PLD1: variants seen among roughly 807,000 people sequenced by gnomAD.
The protein encoded by PLD1 is phospholipase D1, also known as choline phosphatase 1.
In PLD1, 112 loss-of-function variants were observed where a neutral mutation model predicts 137.1. The observed-to-expected ratio is 0.82, with a 90% confidence interval of 0.70 to 0.96. PLD1 has a LOEUF of 0.96. Ranked by LOEUF, PLD1 falls within the 40% of genes least tolerant of loss-of-function variation. The pLI is 0.00. For missense variants in PLD1, 1,321 were observed against 1,342.0 expected, an observed-to-expected ratio of 0.98 and a Z score of 0.24; for synonymous variants, 431 against 454.7, an observed-to-expected ratio of 0.95 and a Z score of 0.66.
chr3:171,759,666 G>A (rs1396990386), intron 1 of PLD1, among the ~76,000 whole-genome samples: 5 of 152,188 alleles, frequency 3.3e-5, no homozygotes, highest in Admixed American at 1.3e-4. Flanking sequence ...TATTTTACAC[G>A]TTTGTGTATG....
intron 23 of PLD1, among the ~76,000 whole-genome samples, chr3:171,628,124 AAAG>A (rs1351047487): frequency 4.6e-5 from 7 of 152,146 alleles, no homozygotes; most frequent in Non-Finnish European, 1.0e-4. Context: ...CAAGACTAAT[AAAG>A]AAGAAAAGAG....
chr3:171,689,141 C>T (rs1408935666), intron 13 of PLD1, among the ~76,000 whole-genome samples: 1 of 151,834 alleles, frequency 6.6e-6, no homozygotes, highest in Non-Finnish European at 1.5e-5. Context: ...TCTGGCAATA[C>T]ATTAGAAAAC....
intron 1 of PLD1, among the ~76,000 whole-genome samples, chr3:171,786,483 G>A (rs4894509): frequency 0.65 from 99,573 of 152,074 alleles, 33,318 homozygotes; most frequent in Admixed American, 0.73. Context: ...TGCAGCAATC[G>A]AGCTGTCTAA....
intron 25 of PLD1, among the ~76,000 whole-genome samples, chr3:171,608,801 CA>C: frequency 6.6e-6 from 1 of 152,046 alleles, no homozygotes; most frequent in African/African-American, 2.4e-5. Flanking sequence ...AAACAAGCAC[CA>C]GGAGAAGACA....
Position 171,612,264 on chromosome 3 carries a change from C to G in PLD1, c.2882+15G>C, listed in dbSNP as rs1214952139. 6.2e-7 allele frequency: 1 copy of G among 1,612,738 alleles called. No homozygotes were observed. The highest frequency in any genetic ancestry group is 8.5e-7 in the Non-Finnish European group (1 of 1,179,018). On this transcript the variant is annotated intron_variant, in intron 25 of 26. Coordinates refer to ENST00000351298, the MANE Select transcript of PLD1 (RefSeq NM_002662.5). This position sits in a 1 kb window ranked among gnomAD's most constrained non-coding sequence, Gnocchi z 4.1. ...AGTGGAAATGCATCAGAGAGACACA[C>G]TTTGGCGGACTGACCTAAAGCACTG...
intron 1 of PLD1, among the ~76,000 whole-genome samples, chr3:171,808,539 A>T (rs890464253): frequency 5.9e-5 from 9 of 151,994 alleles, no homozygotes; most frequent in East Asian, 1.9e-4. Flanking sequence ...CCGTCTCAAA[A>T]AATAATAATA....
chr3:171,772,645 C>T (rs577634542), intron 1 of PLD1, among the ~76,000 whole-genome samples: 54 of 152,276 alleles, frequency 3.5e-4, no homozygotes, highest in African/African-American at 1.2e-3. Flanking sequence ...TAGTACCCCA[C>T]CTGCTGGCAA....
At chr3:171,604,331 AAAG>A (rs1158477383) in intron 26 of PLD1, among the ~76,000 whole-genome samples, 8 of 151,814 alleles carry the variant, frequency 5.3e-5, no homozygotes, top group Non-Finnish European at 1.2e-4. Context: ...AAAAAAAAAA[AAAG>A]GAAAGAAAGA....
At chr3:171,707,586 G>A (rs1256425454) in intron 11 of PLD1, among the ~76,000 whole-genome samples, 2 of 152,104 alleles carry the variant, frequency 1.3e-5, no homozygotes, top group Non-Finnish European at 2.9e-5. Context: ...ACAAGCATGA[G>A]CATGCTGGCC....
rs139270908 is a variant in PLD1 at position 171,662,063 on chromosome 3, G to A, written c.2337C>T (p.Ile779=). 7 of 1,565,124 alleles carry A rather than the reference G, an allele frequency of 4.5e-6. No homozygotes were observed. Among genetic ancestry groups the A allele is most frequent in the African/African-American group, 4.1e-5 (3 of 73,854 alleles). ...AATTTACATGAGCAAGACTTACTTC[G>A]ATATAGATATAGTGCCTGCTGTTCT... ...VIENSRHYIY[I]ENQFFISCAD... is the part of the protein sequence containing the mutation. Residue 779 remains isoleucine (I), a synonymous_variant, in exon 20 of 27, where the codon ATC becomes ATT. Transcript: ENST00000351298.
chr3:171,692,394 C>T lies in PLD1; in HGVS notation c.1276G>A (p.Ala426Thr), dbSNP rs369183504. ...GTGTATTCACTATTGATGCCAAGAG[C>T]GAGTTCCACCTCTTTGTAGAGCATT... ...FIMLYKEVEL[A>T]LGINSEYTKR... Residue 426 changes from alanine (A) to threonine (T), a missense_variant, in exon 13 of 27, where the codon GCT (alanine) becomes ACT (threonine). Transcript: ENST00000351298. 1.4e-4 allele frequency: 218 copies of T among 1,606,026 alleles called. No individual in the cohort carries two copies. The highest frequency in any genetic ancestry group is 2.5e-4 in the East Asian group (11 of 44,856).
intron 1 of PLD1, among the ~76,000 whole-genome samples, chr3:171,805,140 C>A (rs1047780548): frequency 1.3e-5 from 2 of 152,164 alleles, no homozygotes. Flanking sequence ...ACTGACTAAA[C>A]TAAGTTATTT....
intron 1 of PLD1, chr3:171,809,639 A>T (rs1724030757): frequency 6.6e-6 from 1 of 152,318 alleles, no homozygotes; most frequent in Non-Finnish European, 1.5e-5. Flanking sequence ...ATAATCCGAG[A>T]TGAGGAGGAG....
chr3:171,681,437 C>T (rs1243497802), intron 16 of PLD1, among the ~76,000 whole-genome samples: 1 of 152,020 alleles, frequency 6.6e-6, no homozygotes, highest in African/African-American at 2.4e-5. Context: ...TCTGAGATGC[C>T]GAAATAAATA....
At chr3:171,654,076 G>A (rs933902702) in intron 21 of PLD1, 15 of 378,576 alleles carry the variant, frequency 4.0e-5, no homozygotes, top group Non-Finnish European at 6.7e-5. Flanking sequence ...CGAGGTGGGC[G>A]GATCACTTGA....
intron 1 of PLD1, among the ~76,000 whole-genome samples, chr3:171,781,707 C>T (rs1003513562): frequency 3.9e-5 from 6 of 152,110 alleles, no homozygotes; most frequent in African/African-American, 7.2e-5. Context: ...CCCACCAGAA[C>T]GAGTAAACAT....
At chr3:171,730,286 G>C (rs1038352617) in intron 6 of PLD1, among the ~76,000 whole-genome samples, 3 of 152,078 alleles carry the variant, frequency 2.0e-5, no homozygotes, top group African/African-American at 7.2e-5. Context: ...TTAGGGTAAA[G>C]AGGAAATACA....
At chr3:171,614,576 C>T (rs1732937939) in intron 24 of PLD1, among the ~76,000 whole-genome samples, 1 of 152,182 alleles carries the variant, frequency 6.6e-6, no homozygotes, top group African/African-American at 2.4e-5. Flanking sequence ...AGAATGCTGC[C>T]ATAGGAACCG....
chr3:171,678,618 G>A (rs9290425), intron 16 of PLD1, among the ~76,000 whole-genome samples: 9,227 of 152,268 alleles, frequency 0.061, 877 homozygotes, highest in African/African-American at 0.2. Flanking sequence ...GGTACTGCTT[G>A]CAGTAGCCAG....
Sources: allele counts gnomAD v4.1 joint callset (sites outside exome capture counted in the v4.1 genomes callset), GRCh38; gene constraint gnomAD v4.1.1; non-coding constraint Gnocchi (gnomAD v3.1); transcripts MANE v1.5; gene names NCBI Gene and HGNC (gene_info 2026-07-23, HGNC 2026-07-21).